The following LRMDA variants were observed in gnomAD, a reference collection of about 807,000 sequenced individuals.
LRMDA encodes leucine rich melanocyte differentiation associated, also known as leucine-rich melanocyte differentiation-associated protein.
Under a neutral mutation model 29.8 loss-of-function variants are expected in LRMDA, and 18 were observed. The observed-to-expected ratio is 0.60, with a 90% CI of 0.42 to 0.90. The LOEUF is 0.90. Among genes scored for constraint, LRMDA ranks in the 40% least tolerant of loss-of-function variants. LRMDA has a pLI of 0.00. For synonymous variants in LRMDA, 125 were observed against 109.4 expected, an observed-to-expected ratio of 1.14 and a Z score of -0.89; for missense variants, 273 against 273.9, an observed-to-expected ratio of 1.00 and a Z score of 0.02.
chr10:75,800,271 A>G (rs1843725102), intron 2 of LRMDA, among the ~76,000 whole-genome samples: 1 of 152,174 alleles, frequency 6.6e-6, no homozygotes, highest in Non-Finnish European at 1.5e-5. Flanking sequence ...TACTTTGTCC[A>G]ATATCAGTTG....
chr10:76,204,149 C>G (rs997071151), intron 5 of LRMDA, among the ~76,000 whole-genome samples: 2 of 145,416 alleles, frequency 1.4e-5, no homozygotes, highest in African/African-American at 5.1e-5. Flanking sequence ...CATCTCTATT[C>G]CATGTGCCCA....
intron 2 of LRMDA, among the ~76,000 whole-genome samples, chr10:75,477,879 G>T (rs1185513626): frequency 6.6e-6 from 1 of 152,230 alleles, no homozygotes; most frequent in Non-Finnish European, 1.5e-5. Context: ...TGTCATGCAG[G>T]CCTCCTTGTC....
At chr10:76,365,107 T>TACACAC (rs61263118) in intron 6 of LRMDA, among the ~76,000 whole-genome samples, 948 of 61,142 alleles carry the variant, frequency 0.016, 53 homozygotes, top group Middle Eastern at 0.044. Context: ...TATATATATA[T>TACACAC]ACACACACAC....
At chr10:75,758,562 A>G (rs1458759228) in intron 2 of LRMDA, among the ~76,000 whole-genome samples, 1 of 152,206 alleles carries the variant, frequency 6.6e-6, no homozygotes, top group Non-Finnish European at 1.5e-5. Context: ...GGGTCCGCCA[A>G]ATGGAGGCTT....
chr10:76,347,302 T>C (rs1471264193), intron 6 of LRMDA, among the ~76,000 whole-genome samples: 2 of 152,324 alleles, frequency 1.3e-5, no homozygotes, highest in East Asian at 1.9e-4. Context: ...TCTCTCCACA[T>C]TGGAATCTGA....
At chr10:76,234,024 T>G (rs975401636) in intron 5 of LRMDA, among the ~76,000 whole-genome samples, 4 of 152,228 alleles carry the variant, frequency 2.6e-5, no homozygotes, top group Non-Finnish European at 4.4e-5. Context: ...CAGAAGATTT[T>G]CAATTTCTAT....
At position 76,005,301 on chromosome 10, in the gene LRMDA, G is replaced by A. The variant is rs1051186515; in HGVS notation, c.132-30707G>A. Among the ~76,000 whole-genome samples the A allele has an allele frequency of 3.9e-5, 6 of 152,180 alleles. No individual in the cohort carries two copies. In the South Asian group the frequency reaches 1.2e-3, roughly 32 times the overall value. On this transcript the variant is annotated intron_variant, in intron 2 of 6. Coordinates refer to ENST00000611255, the MANE Select transcript of LRMDA (RefSeq NM_001305581.2). ...AAAGCTACATGATATTCCAGAATGT[G>A]GAAGTGATCCATCCTTTCAACTTGT...
intron 2 of LRMDA, among the ~76,000 whole-genome samples, chr10:75,730,688 CT>C (rs1365473082): frequency 6.6e-6 from 1 of 152,166 alleles, no homozygotes; most frequent in Admixed American, 6.5e-5. Context: ...ACACCCTGGG[CT>C]TTTTCAGGTG....
intron 2 of LRMDA, among the ~76,000 whole-genome samples, chr10:75,903,156 T>C (rs1381040878): frequency 6.6e-6 from 1 of 152,240 alleles, no homozygotes; most frequent in East Asian, 1.9e-4. Context: ...CCTCTCTCTA[T>C]TTAAGTCATT....
chr10:76,358,445 C>G (rs1049976165), intron 6 of LRMDA, among the ~76,000 whole-genome samples: 9 of 152,156 alleles, frequency 5.9e-5, no homozygotes, highest in African/African-American at 2.2e-4. Flanking sequence ...GCTTGTGAGC[C>G]TAACAGCAAC....
At chr10:75,916,419 TA>T (rs1564605965) in intron 2 of LRMDA, among the ~76,000 whole-genome samples, 1 of 152,022 alleles carries the variant, frequency 6.6e-6, no homozygotes, top group African/African-American at 2.4e-5. Context: ...AGGCAGCCCC[TA>T]CCTGGATGGG....
At chr10:76,261,351 C>A (rs999387289) in intron 5 of LRMDA, among the ~76,000 whole-genome samples, 1 of 151,932 alleles carries the variant, frequency 6.6e-6, no homozygotes, top group South Asian at 2.1e-4. Flanking sequence ...GGATTACAGG[C>A]GTGAGCTACT....
intron 2 of LRMDA, among the ~76,000 whole-genome samples, chr10:75,673,035 CAG>C (rs1841919426): frequency 6.6e-6 from 1 of 151,472 alleles, no homozygotes; most frequent in East Asian, 2.0e-4. Flanking sequence ...AGGAATGATG[CAG>C]AGAGTCAGCC....
intron 6 of LRMDA, among the ~76,000 whole-genome samples, chr10:76,343,014 C>T (rs1160541920): frequency 3.3e-5 from 5 of 151,998 alleles, no homozygotes; most frequent in Admixed American, 1.3e-4. Flanking sequence ...GTACTGTTTG[C>T]TGATTTCTAA....
At chr10:76,380,242 T>G in intron 6 of LRMDA, among the ~76,000 whole-genome samples, 1 of 152,202 alleles carries the variant, frequency 6.6e-6, no homozygotes, top group East Asian at 1.9e-4. Flanking sequence ...AGAGTTCAAT[T>G]TAAGTTCAAA....
intron 2 of LRMDA, among the ~76,000 whole-genome samples, chr10:75,479,174 G>A (rs539459077): frequency 1.0e-3 from 157 of 152,238 alleles, no homozygotes; most frequent in Non-Finnish European, 1.9e-3. Context: ...GTGAGGTGAC[G>A]CTTAGGGAAA....
chr10:76,439,686 G>C (rs1488831158), intron 6 of LRMDA, among the ~76,000 whole-genome samples: 1 of 152,204 alleles, frequency 6.6e-6, no homozygotes, highest in African/African-American at 2.4e-5. Context: ...CTGGCTGCAG[G>C]CTCTCAAAGT....
intron 2 of LRMDA, among the ~76,000 whole-genome samples, chr10:75,555,000 G>C (rs917055488): frequency 4.6e-5 from 7 of 152,198 alleles, no homozygotes; most frequent in African/African-American, 1.7e-4. Flanking sequence ...AGATGGGACA[G>C]GATGATCTAC....
chr10:76,365,276 G>T (rs1382519958), intron 6 of LRMDA, among the ~76,000 whole-genome samples: 1 of 151,730 alleles, frequency 6.6e-6, no homozygotes, highest in African/African-American at 2.4e-5. Context: ...TAGTGGGGTT[G>T]CTGGATCAAA....
Sources: allele counts gnomAD v4.1 joint callset (sites outside exome capture counted in the v4.1 genomes callset), GRCh38; gene constraint gnomAD v4.1.1; transcripts MANE v1.5; gene names NCBI Gene and HGNC (gene_info 2026-07-23, HGNC 2026-07-21).